Variants in CCSER1 observed in about 807,000 individuals in gnomAD.
The protein encoded by CCSER1 is serine-rich coiled-coil domain-containing protein 1.
CCSER1 carries 41 observed loss-of-function variants against 82.0 expected under a neutral mutation model. The ratio of observed to expected loss-of-function variants is 0.50; its 90% CI spans 0.39 to 0.65. CCSER1 has a LOEUF of 0.65. CCSER1 is among the 30% of genes least tolerant of loss of function. The probability of loss-of-function intolerance (pLI) is 0.00; values close to 1 mark genes in which losing one functional copy is unlikely to be tolerated. For synonymous variants in CCSER1, 414 were observed against 383.9 expected (o/e 1.08, Z -0.92); for missense variants, 1,119 against 1,064.2 (o/e 1.05, Z -0.72).
chr4:90,227,131 C>A (rs889323415), intron 1 of CCSER1, among the ~76,000 whole-genome samples: 3 of 152,196 alleles, frequency 2.0e-5, no homozygotes, highest in African/African-American at 4.8e-5. Flanking sequence ...TTACTCCCAG[C>A]AATCTCGTAC....
intron 9 of CCSER1, among the ~76,000 whole-genome samples, chr4:90,941,325 A>G (rs1034318419): frequency 6.6e-6 from 1 of 152,102 alleles, no homozygotes; most frequent in Non-Finnish European, 1.5e-5. Context: ...TATTACATAT[A>G]GCTATGTTTT....
intron 6 of CCSER1, among the ~76,000 whole-genome samples, chr4:90,652,526 C>A (rs1176894853): frequency 1.3e-5 from 2 of 151,992 alleles, no homozygotes; most frequent in Admixed American, 6.6e-5. Flanking sequence ...ACTGAAGAAG[C>A]CTTAGGGTGT....
chr4:90,970,993 A>G (rs762599527), intron 9 of CCSER1, among the ~76,000 whole-genome samples: 17 of 151,936 alleles, frequency 1.1e-4, no homozygotes, highest in Non-Finnish European at 2.1e-4. Context: ...CCACCTAACT[A>G]TATACCTCAA....
chr4:90,423,386 C>T (rs534716942), intron 4 of CCSER1, among the ~76,000 whole-genome samples: 7 of 152,002 alleles, frequency 4.6e-5, no homozygotes, highest in South Asian at 2.1e-4. Flanking sequence ...CCACCATGCC[C>T]GAATAATTTT....
At chr4:91,353,964 T>A (rs1345993032) in intron 10 of CCSER1, among the ~76,000 whole-genome samples, 1 of 152,218 alleles carries the variant, frequency 6.6e-6, no homozygotes, top group Non-Finnish European at 1.5e-5. Flanking sequence ...CCCCTCATCA[T>A]CTATGTGTAG....
chr4:91,211,486 G>A (rs777942705), intron 10 of CCSER1, among the ~76,000 whole-genome samples: 1 of 152,002 alleles, frequency 6.6e-6, no homozygotes, highest in African/African-American at 2.4e-5. Context: ...TACTGCAAAA[G>A]TGTTCTGAAA....
intron 10 of CCSER1, among the ~76,000 whole-genome samples, chr4:91,093,162 A>G (rs4693260): frequency 0.096 from 14,594 of 152,266 alleles, 941 homozygotes; most frequent in East Asian, 0.27. Flanking sequence ...CCCTGAGGCA[A>G]TGGTTTGGCT....
intron 9 of CCSER1, among the ~76,000 whole-genome samples, chr4:91,059,454 G>T (rs1238260485): frequency 3.5e-5 from 2 of 57,500 alleles, no homozygotes; most frequent in African/African-American, 7.9e-5. Context: ...CTTTATTAAG[G>T]TTATATATAT....
intron 10 of CCSER1, among the ~76,000 whole-genome samples, chr4:91,173,067 C>T (rs17018181): frequency 0.013 from 2,042 of 152,228 alleles, 32 homozygotes; most frequent in African/African-American, 0.037. Flanking sequence ...TTACATTTAT[C>T]TTTTGGCCCT....
intron 5 of CCSER1, among the ~76,000 whole-genome samples, chr4:90,545,175 T>A (rs1776609013): frequency 6.6e-6 from 1 of 152,140 alleles, no homozygotes; most frequent in Non-Finnish European, 1.5e-5. Flanking sequence ...GTGATCACAC[T>A]ACTTTTAGTA....
intron 10 of CCSER1, among the ~76,000 whole-genome samples, chr4:91,384,012 A>G (rs1751107612): frequency 6.6e-6 from 1 of 152,162 alleles, no homozygotes; most frequent in Non-Finnish European, 1.5e-5. Context: ...TTGTTAAAGA[A>G]TCAACTTTGG....
intron 9 of CCSER1, among the ~76,000 whole-genome samples, chr4:90,950,901 T>C (rs1029419355): frequency 6.6e-6 from 1 of 152,160 alleles, no homozygotes; most frequent in Admixed American, 6.6e-5. Context: ...TTCATAAATA[T>C]CTTTAGCATA....
At chr4:91,175,462 C>A (rs1733233777) in intron 10 of CCSER1, among the ~76,000 whole-genome samples, 1 of 152,176 alleles carries the variant, frequency 6.6e-6, no homozygotes, top group South Asian at 2.1e-4. Context: ...GTTTCTATTT[C>A]TCCACACCCT....
At chr4:90,998,726 T>A (rs1419157812) in intron 9 of CCSER1, among the ~76,000 whole-genome samples, 1 of 81,598 alleles carries the variant, frequency 1.2e-5, no homozygotes, top group African/African-American at 3.0e-5. Flanking sequence ...TTACACAGTT[T>A]TTTTTTTTTA....
chr4:90,838,945 G>C (rs761668491), intron 8 of CCSER1: 1 of 1,613,370 alleles, frequency 6.2e-7, no homozygotes. Flanking sequence ...TCGTTTCTTT[G>C]GAAGGCAGTG....
intron 5 of CCSER1, among the ~76,000 whole-genome samples, chr4:90,551,706 C>CTATATATATATATATA (rs1553940962): frequency 1.2e-4 from 13 of 104,234 alleles, no homozygotes; most frequent in African/African-American, 5.5e-4. Flanking sequence ...CTCTCTCTCT[C>CTATATATATATATATA]TATATATATA....
At chr4:90,349,879 G>A (rs1405023546) in intron 3 of CCSER1, among the ~76,000 whole-genome samples, 1 of 152,092 alleles carries the variant, frequency 6.6e-6, no homozygotes, top group African/African-American at 2.4e-5. Flanking sequence ...TAAGTAAAGT[G>A]TTCACAGTTC....
At chr4:91,532,692 C>A (rs940530253) in intron 10 of CCSER1, among the ~76,000 whole-genome samples, 2 of 144,612 alleles carry the variant, frequency 1.4e-5, no homozygotes, top group Non-Finnish European at 3.0e-5. Context: ...CATGATGAAA[C>A]CCATTCTCTA....
chr4:90,478,464 A>G (rs1199830936), intron 5 of CCSER1, among the ~76,000 whole-genome samples: 1 of 152,158 alleles, frequency 6.6e-6, no homozygotes, highest in East Asian at 1.9e-4. Context: ...TTACGTGTTG[A>G]ATATATAAAT....
Sources: allele counts gnomAD v4.1 joint callset (sites outside exome capture counted in the v4.1 genomes callset), GRCh38; gene constraint gnomAD v4.1.1; transcripts MANE v1.5; gene names NCBI Gene and HGNC (gene_info 2026-07-23, HGNC 2026-07-21).